The following SGK1 variants were observed in gnomAD, a reference collection of about 807,000 sequenced individuals.
SGK1 encodes the protein serine/threonine-protein kinase Sgk1.
In SGK1, 26 loss-of-function variants were observed where a neutral mutation model predicts 64.2. The ratio of observed to expected loss-of-function variants is 0.40; its 90% CI spans 0.30 to 0.56. SGK1 has a LOEUF of 0.56. SGK1 is among the 20% of genes least tolerant of loss of function. SGK1 has a pLI of 0.38. For synonymous variants in SGK1, 265 were observed against 239.7 expected (o/e 1.11, Z -0.98); for missense variants, 519 against 645.6 (o/e 0.80, Z 2.12).
chr6:134,210,608 G>A (rs889426979), intron 2 of SGK1, among the ~76,000 whole-genome samples: 12 of 151,240 alleles, frequency 7.9e-5, no homozygotes, highest in Non-Finnish European at 5.9e-5. Context: ...GGTGGATCAC[G>A]AGGTCAGGAG....
intron 3 of SGK1, among the ~76,000 whole-genome samples, chr6:134,182,918 G>A (rs546640312): frequency 6.6e-6 from 1 of 152,338 alleles, no homozygotes; most frequent in African/African-American, 2.4e-5. Flanking sequence ...TGTGAAAAAA[G>A]TGGAGAGCAA....
At chr6:134,202,015 T>C (rs991731369) in intron 3 of SGK1, among the ~76,000 whole-genome samples, 5 of 152,058 alleles carry the variant, frequency 3.3e-5, no homozygotes, top group Non-Finnish European at 7.4e-5. Flanking sequence ...ATCTACATCT[T>C]AAAGAATATA....
At position 134,170,329 on chromosome 6, in the gene SGK1, T is replaced by C; in HGVS notation, c.1520A>G (p.Lys507Arg). 1 of 1,614,140 alleles carries C rather than the reference T, an allele frequency of 6.2e-7. No individual in the cohort carries two copies. The highest frequency in any genetic ancestry group is 2.2e-5 in the East Asian group (1 of 44,884). ...PDSVLVTASV[K>R]EAAEAFLGFS... The stretch of plus-strand genomic sequence containing the variant: ...GCCTAGGAAAGCCTCGGCAGCTTCC[T>C]TGACGCTGGCTGTGACGAGGACGCT... The change falls in exon 14 of 14, where the codon AAG becomes AGG. Residue 507 changes from lysine to arginine, a missense_variant. Around this residue, in one of 2 missense-constraint regions of SGK1, gnomAD observed 278 missense variants for 408.7 expected, o/e 0.68. Transcript: ENST00000367858.
intron 1 of SGK1, among the ~76,000 whole-genome samples, chr6:134,266,582 T>C (rs1005036297): frequency 6.6e-6 from 1 of 152,014 alleles, no homozygotes; most frequent in Non-Finnish European, 1.5e-5. Context: ...TGGCACTGCA[T>C]TCCAGCCTGG....
At chr6:134,261,553 T>C (rs546993079) in intron 2 of SGK1, 79 of 443,624 alleles carry the variant, frequency 1.8e-4, no homozygotes, top group Non-Finnish European at 3.0e-4. Context: ...TGTATGATAC[T>C]GTAATGGTGG....
intron 2 of SGK1, among the ~76,000 whole-genome samples, chr6:134,209,243 G>A (rs1314118730): frequency 6.6e-6 from 1 of 152,066 alleles, no homozygotes; most frequent in African/African-American, 2.4e-5. Context: ...AGACCAACCT[G>A]GCCAACATGC....
chr6:134,188,710 G>A (rs1775459798), intron 3 of SGK1, among the ~76,000 whole-genome samples: 1 of 151,566 alleles, frequency 6.6e-6, no homozygotes, highest in Admixed American at 6.6e-5. Flanking sequence ...TTAGCACACA[G>A]TAGATTTCAG....
intron 2 of SGK1, among the ~76,000 whole-genome samples, chr6:134,257,586 G>T (rs577779631): frequency 1.5e-3 from 221 of 149,902 alleles, no homozygotes; most frequent in African/African-American, 5.1e-3. Flanking sequence ...TTTTTTTCTT[G>T]TTTATTTTCA....
At chr6:134,189,635 C>G (rs1356176016) in intron 3 of SGK1, among the ~76,000 whole-genome samples, 16 of 152,142 alleles carry the variant, frequency 1.1e-4, no homozygotes, top group Admixed American at 1.0e-3. Context: ...TAAAGTGTTG[C>G]TTAAAAATCT....
At chr6:134,189,565 C>A (rs1775476627) in intron 3 of SGK1, among the ~76,000 whole-genome samples, 1 of 152,072 alleles carries the variant, frequency 6.6e-6, no homozygotes, top group Non-Finnish European at 1.5e-5. Context: ...AATGATTGTG[C>A]CAAATAGATA....
intron 2 of SGK1, among the ~76,000 whole-genome samples, chr6:134,253,219 G>A (rs1354973665): frequency 1.3e-5 from 2 of 152,078 alleles, no homozygotes; most frequent in African/African-American, 4.8e-5. Context: ...ATTGTATGAA[G>A]CCAGCTTAAT....
chr6:134,310,342 G>A (rs375303706), intron 1 of SGK1, among the ~76,000 whole-genome samples: 2 of 152,192 alleles, frequency 1.3e-5, no homozygotes, highest in African/African-American at 2.4e-5. Flanking sequence ...TCTATCTAAC[G>A]AAAATGGCTC....
chr6:134,313,486 T>A (rs1377663486), intron 1 of SGK1, among the ~76,000 whole-genome samples: 1 of 151,944 alleles, frequency 6.6e-6, no homozygotes, highest in Non-Finnish European at 1.5e-5. Flanking sequence ...CTACTCTATT[T>A]GTTGAAAAAT....
intron 2 of SGK1, among the ~76,000 whole-genome samples, chr6:134,242,224 G>A (rs985314708): frequency 4.6e-5 from 7 of 151,946 alleles, no homozygotes; most frequent in East Asian, 2.0e-4. Flanking sequence ...GGTGGCTCAC[G>A]CCTGTAATCC....
At chr6:134,254,942 C>T (rs1216767540) in intron 2 of SGK1, among the ~76,000 whole-genome samples, 1 of 152,084 alleles carries the variant, frequency 6.6e-6, no homozygotes, top group African/African-American at 2.4e-5. Context: ...CATCTCGGCT[C>T]ACTGCAACCT....
intron 1 of SGK1, among the ~76,000 whole-genome samples, chr6:134,285,213 C>G (rs145023435): frequency 6.6e-6 from 1 of 152,084 alleles, no homozygotes; most frequent in Admixed American, 6.6e-5. Flanking sequence ...AATCCCAGCA[C>G]TTTGGGAGGC....
chr6:134,238,403 TA>T (rs1294758992), intron 2 of SGK1, among the ~76,000 whole-genome samples: 1 of 152,218 alleles, frequency 6.6e-6, no homozygotes, highest in Non-Finnish European at 1.5e-5. Context: ...TTTTCAGCAT[TA>T]ATTACAGTAA....
chr6:134,196,677 G>A (rs796607663), intron 3 of SGK1, among the ~76,000 whole-genome samples: 24 of 152,266 alleles, frequency 1.6e-4, no homozygotes, highest in African/African-American at 5.3e-4. Flanking sequence ...TAAAAGAGAT[G>A]TGGTTCAGGA....
chr6:134,217,539 C>T (rs1451972680), intron 2 of SGK1, among the ~76,000 whole-genome samples: 1 of 152,170 alleles, frequency 6.6e-6, no homozygotes, highest in African/African-American at 2.4e-5. Context: ...CAGTCCTCCA[C>T]TTCACACCAC....
Sources: allele counts gnomAD v4.1 joint callset (sites outside exome capture counted in the v4.1 genomes callset), GRCh38; gene constraint gnomAD v4.1.1; regional missense constraint gnomAD v4.1.1; transcripts MANE v1.5; gene names NCBI Gene and HGNC (gene_info 2026-07-23, HGNC 2026-07-21).